EDC3: variants seen among roughly 807,000 people sequenced by gnomAD.
The protein encoded by EDC3 is enhancer of mRNA-decapping protein 3.
In EDC3, 20 loss-of-function variants were observed where a neutral mutation model predicts 41.8. The ratio of observed to expected loss-of-function variants is 0.48; its 90% CI spans 0.34 to 0.70. The LOEUF is 0.70. Among genes scored for constraint, EDC3 ranks in the 30% least tolerant of loss-of-function variants. EDC3 has a pLI of 0.01. For missense variants in EDC3, 444 were observed against 636.8 expected (o/e 0.70, Z 3.26); for synonymous variants, 206 against 243.2 (o/e 0.85, Z 1.42).
chr15:74,667,433 AG>A (rs1364864379), intron 3 of EDC3, among the ~76,000 whole-genome samples: 5 of 39,798 alleles, frequency 1.3e-4, no homozygotes, highest in African/African-American at 5.1e-4. Context: ...AGAAAGGAGA[AG>A]GGGGGAGGAG....
chr15:74,681,460 T>C (rs915316857), intron 1 of EDC3, among the ~76,000 whole-genome samples: 8 of 152,188 alleles, frequency 5.3e-5, no homozygotes, highest in African/African-American at 1.9e-4. Context: ...GCTAAATCAA[T>C]TTTTTATAAG....
intron 1 of EDC3, among the ~76,000 whole-genome samples, chr15:74,678,782 C>G (rs1007164294): frequency 6.6e-6 from 1 of 150,792 alleles, no homozygotes. Flanking sequence ...CCCAGCTACT[C>G]AAGAGGCTGA....
intron 1 of EDC3, among the ~76,000 whole-genome samples, chr15:74,694,436 T>G (rs1196316695): frequency 6.6e-6 from 1 of 152,184 alleles, no homozygotes; most frequent in African/African-American, 2.4e-5. Context: ...GCCTCCCAAA[T>G]AGCTGGGATT....
At chr15:74,639,174 C>T (rs1408780247) in intron 5 of EDC3, 1 of 152,236 alleles carries the variant, frequency 6.6e-6, no homozygotes, top group South Asian at 2.1e-4. Flanking sequence ...TCTACCTGAT[C>T]TCACTGCCTT....
chr15:74,661,748 AAG>A, intron 3 of EDC3, among the ~76,000 whole-genome samples: 1 of 151,160 alleles, frequency 6.6e-6, no homozygotes, highest in African/African-American at 2.4e-5. Context: ...AAAAAAGAAA[AAG>A]AAAAAGAAAA....
intron 4 of EDC3, chr15:74,640,974 G>A (rs2062344610): frequency 3.9e-6 from 1 of 254,292 alleles, no homozygotes; most frequent in Admixed American, 5.5e-5. Context: ...AAGAGAACAT[G>A]ATTTTCCCAA....
chr15:74,635,959 C>T (rs1421893324), intron 5 of EDC3: 4 of 310,076 alleles, frequency 1.3e-5, no homozygotes, highest in Non-Finnish European at 2.5e-5. Context: ...TCTTCTTCCC[C>T]AACGTGTCTG....
chr15:74,665,935 T>C (rs1382859067), intron 3 of EDC3, among the ~76,000 whole-genome samples: 1 of 151,908 alleles, frequency 6.6e-6, no homozygotes, highest in Non-Finnish European at 1.5e-5. Flanking sequence ...GTAGCTGGCA[T>C]TACAGGCACC....
At chr15:74,668,725 T>TGAAAGAAAGAAAGAAAGAAAGAAAGAAA (rs1180905042) in intron 3 of EDC3, among the ~76,000 whole-genome samples, 24 of 58,432 alleles carry the variant, frequency 4.1e-4, no homozygotes, top group African/African-American at 3.0e-3. Context: ...GTCTCAAAAA[T>TGAAAGAAAGAAAGAAAGAAAGAAAGAAA]GAATGAAAGA....
chr15:74,639,479 G>A (rs529974019), intron 5 of EDC3: 1 of 152,350 alleles, frequency 6.6e-6, no homozygotes, highest in South Asian at 2.1e-4. Flanking sequence ...TTGGGAGGCA[G>A]AGGCACGCAG....
intron 3 of EDC3, 112 bp from the exon 4 acceptor site, chr15:74,656,180 T>A: frequency 9.9e-7 from 1 of 1,008,470 alleles, no homozygotes; most frequent in Non-Finnish European, 1.4e-6. Flanking sequence ...GTGAAAATGG[T>A]AAAGGTAACT....
At chr15:74,643,239 GC>G (rs2062375138) in intron 4 of EDC3, 2 of 152,208 alleles carry the variant, frequency 1.3e-5, no homozygotes, top group South Asian at 4.1e-4. Context: ...CACTGCCAAA[GC>G]CTGAACATGG....
intron 1 of EDC3, among the ~76,000 whole-genome samples, chr15:74,690,586 G>C (rs181076083): frequency 6.6e-6 from 1 of 152,180 alleles, no homozygotes; most frequent in Non-Finnish European, 1.5e-5. Context: ...TGAAAAACTA[G>C]GAATTGTTCC....
chr15:74,655,947 T>C lies in EDC3; in HGVS notation c.606A>G (p.Thr202=), dbSNP rs746117381. 6.2e-7 allele frequency: 1 copy of C among 1,613,958 alleles called. No individual in the cohort carries two copies. Among genetic ancestry groups the C allele is most frequent in the Non-Finnish European group, 8.5e-7 (1 of 1,180,024 alleles). ...CCAGGTTCCCTTCAAAATCAAAATC[T>C]GTGTCTGGGATCTCCTCAATATCAT... ...FGDDIEEIPD[T]DFDFEGNLAL... Residue 202 remains threonine, a synonymous_variant, in exon 4 of 7, where the codon ACA becomes ACG. Transcript: ENST00000315127.
chr15:74,659,588 T>C (rs1030022275), intron 3 of EDC3, among the ~76,000 whole-genome samples: 14 of 150,610 alleles, frequency 9.3e-5, no homozygotes, highest in Admixed American at 9.3e-4. Context: ...ATGGATGAGA[T>C]GGGCTGGGTA....
rs1284197569 is a variant in EDC3, at chr15:74,631,684, T to A, written c.*928A>T. 3 of 152,844 alleles carry A rather than the reference T, an allele frequency of 2.0e-5. No individual in the cohort carries two copies. Among genetic ancestry groups the A allele is most frequent in the African/African-American group, 7.2e-5 (3 of 41,430 alleles). 9.5% of individuals were successfully genotyped at this position (152,844 alleles called of 1,614,324 possible). On this transcript the variant is annotated 3_prime_UTR_variant, in exon 7 of 7. Transcript: ENST00000315127. ...GATGAAAGAGTAGGTGGGGCATGTATGTGCGGGCAAAGGGCTGGAGGAGTG... is the reference window on the plus strand; with the variant it reads ...GATGAAAGAGTAGGTGGGGCATGTAAGTGCGGGCAAAGGGCTGGAGGAGTG...
intron 4 of EDC3, among the ~76,000 whole-genome samples, chr15:74,646,636 T>A (rs1455257024): frequency 6.6e-6 from 1 of 152,168 alleles, no homozygotes; most frequent in Middle Eastern, 3.2e-3. Flanking sequence ...GCATGTGACA[T>A]GTGCAGATGA....
rs562130834 is a variant in EDC3 at position 74,653,009 on chromosome 15, G to C, written c.820+2724C>G. On this transcript the variant is annotated intron_variant, in intron 4 of 6. Coordinates refer to ENST00000315127, the MANE Select transcript of EDC3 (RefSeq NM_025083.5). ...AGCCTGGCCAACACGGTGAAACCTCGTCTCTACTAAACATACAAAAATTAG... is the reference window on the plus strand; with the variant it reads ...AGCCTGGCCAACACGGTGAAACCTCCTCTCTACTAAACATACAAAAATTAG... Among the ~76,000 whole-genome samples the C allele has an allele frequency of 2.2e-3, 328 of 152,102 alleles. 1 individual carries two copies. The highest frequency in any genetic ancestry group is 7.5e-3 in the African/African-American group (313 of 41,534).
chr15:74,656,094 C>A, intron 3 of EDC3, 26 bp from the exon 4 acceptor site: 1 of 1,587,702 alleles, frequency 6.3e-7, no homozygotes, highest in South Asian at 1.1e-5. Flanking sequence ...GGACTAAAGT[C>A]AGTGTATCCA....
Sources: allele counts gnomAD v4.1 joint callset (sites outside exome capture counted in the v4.1 genomes callset), GRCh38; gene constraint gnomAD v4.1.1; transcripts MANE v1.5; gene names NCBI Gene and HGNC (gene_info 2026-07-23, HGNC 2026-07-21).